The following WNK1 variants were observed in gnomAD, a reference collection of about 807,000 sequenced individuals.
The protein encoded by WNK1 is WNK lysine deficient protein kinase 1.
A neutral mutation model predicts 222.8 loss-of-function variants in WNK1; 38 were observed. The ratio of observed to expected loss-of-function variants is 0.17; its 90% CI spans 0.13 to 0.22. WNK1 has a LOEUF of 0.22. Ranked by LOEUF, WNK1 falls within the 10% of genes least tolerant of loss-of-function variation. WNK1 has a pLI of 1.00. For missense variants in WNK1, 2,348 were observed against 2,918.4 expected (o/e 0.80, Z 4.50); for synonymous variants, 1,090 against 1,092.9 (o/e 1.00, Z 0.05).
intron 2 of WNK1, among the ~76,000 whole-genome samples, chr12:816,315 G>A (rs1947330808): frequency 6.6e-6 from 1 of 152,050 alleles, no homozygotes; most frequent in Admixed American, 6.6e-5. Context: ...GGTTGCCCAG[G>A]ACAGAGTGCA....
rs1056309948 is a variant in WNK1 at position 864,963 on chromosome 12, G to A, written c.2139+2693G>A. On this transcript the variant is annotated intron_variant, in intron 8 of 27. Transcript: ENST00000315939. Reference sequence around the variant, plus strand: ...GTCAGATGTGCTATGTTGAGTTATAGCTCTCCTCAAAAAAAAAACTGACTT... The same window carrying A: ...GTCAGATGTGCTATGTTGAGTTATAACTCTCCTCAAAAAAAAAACTGACTT... 7 of 901,266 alleles carry A rather than the reference G, an allele frequency of 7.8e-6. No homozygotes were observed. In the Admixed American group the frequency reaches 2.2e-4, roughly 28 times the overall value. The allele number at this position is 901,266 out of a possible 1,614,324, so 55.8% of individuals were successfully genotyped here.
chr12:753,246 ACCGC>A lies in WNK1; in HGVS notation c.-312_-309del. The A allele has an allele frequency of 6.2e-6, 2 of 320,408 alleles. No homozygotes were observed. Among genetic ancestry groups the A allele is most frequent in the South Asian group, 9.2e-5 (2 of 21,766 alleles). 19.8% of individuals were successfully genotyped at this position (320,408 alleles called of 1,614,324 possible). A position where few individuals can be genotyped will look rare whatever the true frequency, so the allele number is the denominator to read the frequency against. On this transcript the variant is annotated 5_prime_UTR_variant, in exon 1 of 28. An upstream open reading frame in the 5' UTR loses its in-frame stop. Coordinates refer to ENST00000315939, the MANE Select transcript of WNK1 (RefSeq NM_018979.4). The surrounding 1 kb of genome is among the most constrained non-coding windows in gnomAD (Gnocchi z 5.2). ...TCATGACTGCGGCGCCTCTGCTGCC[ACCGC>A]CCGCCCGGCCGCCGCTCGCCGCAGG...
intron 5 of WNK1, among the ~76,000 whole-genome samples, chr12:858,136 G>A (rs545024532): frequency 2.6e-5 from 4 of 151,364 alleles, no homozygotes; most frequent in Non-Finnish European, 5.9e-5. Context: ...ATATATGCTG[G>A]GTACTTAAAT....
chr12:770,058 C>T (rs1942286432), intron 1 of WNK1, among the ~76,000 whole-genome samples: 1 of 151,972 alleles, frequency 6.6e-6, no homozygotes, highest in Non-Finnish European at 1.5e-5. Context: ...ACCACAACCT[C>T]CGCCTCCCAG....
At chr12:853,523 G>C (rs7311448) in intron 4 of WNK1, among the ~76,000 whole-genome samples, 4,086 of 152,192 alleles carry the variant, frequency 0.027, 191 homozygotes, top group African/African-American at 0.093. Flanking sequence ...GAATTCAGTT[G>C]GACAGGTGTT....
chr12:882,555 G>T (rs1953270708), intron 14 of WNK1, among the ~76,000 whole-genome samples: 1 of 152,014 alleles, frequency 6.6e-6, no homozygotes, highest in South Asian at 2.1e-4. Context: ...CACATTTTTA[G>T]AAAAATGAAA....
At chr12:889,951 CTTT>C (rs755068368) in intron 21 of WNK1, among the ~76,000 whole-genome samples, 12 of 130,438 alleles carry the variant, frequency 9.2e-5, no homozygotes, top group Admixed American at 8.1e-5. Context: ...TAAAATGTAC[CTTT>C]TTTTTTTTTT....
At chr12:903,298 C>T (rs188082883) in intron 26 of WNK1, among the ~76,000 whole-genome samples, 11 of 152,144 alleles carry the variant, frequency 7.2e-5, no homozygotes, top group Non-Finnish European at 1.3e-4. Context: ...TTACCCAATT[C>T]GATCGTTTTC....
At chr12:854,086 G>A (rs1469255600) in intron 4 of WNK1, among the ~76,000 whole-genome samples, 1 of 151,796 alleles carries the variant, frequency 6.6e-6, no homozygotes, top group East Asian at 2.0e-4. Flanking sequence ...TAATCAGAAG[G>A]GCCAATTGTG....
At chr12:848,839 A>G (rs1189382431) in intron 4 of WNK1, among the ~76,000 whole-genome samples, 4 of 152,310 alleles carry the variant, frequency 2.6e-5, no homozygotes, top group Non-Finnish European at 5.9e-5. Flanking sequence ...ATTTTGATTT[A>G]TAGAAAAGGT....
Position 753,841 on chromosome 12 carries a change from A to C in WNK1, c.276A>C (p.Ala92=). The stretch of plus-strand genomic sequence containing the variant: ...TCATCTGTGACTCCAATGCCACTGC[A>C]CTGGAGCTTCCCGGCCTTCCTCTTT... ...RSVICDSNAT[A]LELPGLPLSL... The change falls in exon 1 of 28, where the codon GCA becomes GCC. Residue 92 remains alanine (A), a synonymous_variant. Coordinates refer to ENST00000315939, the MANE Select transcript of WNK1 (RefSeq NM_018979.4). This position sits in a 1 kb window ranked among gnomAD's most constrained non-coding sequence, Gnocchi z 5.2. 2 of 1,612,676 alleles carry C rather than the reference A, an allele frequency of 1.2e-6. No individual in the cohort carries two copies. Among genetic ancestry groups the C allele is most frequent in the Non-Finnish European group, 1.7e-6 (2 of 1,179,930 alleles).
At chr12:882,101 T>C in intron 14 of WNK1, 28 bp downstream of exon 14, 7 of 1,586,054 alleles carry the variant, frequency 4.4e-6, no homozygotes, top group Non-Finnish European at 6.0e-6. Context: ...GTGAGTTTCA[T>C]GTTGTTAAAG....
At chr12:809,225 GAAA>G (rs67749492) in intron 1 of WNK1, among the ~76,000 whole-genome samples, 49 of 120,954 alleles carry the variant, frequency 4.1e-4, no homozygotes, top group Middle Eastern at 4.6e-3. Context: ...TTCTTTTGAG[GAAA>G]AAAAAAAAAA....
At chr12:900,309 A>G (rs1398842396) in intron 25 of WNK1, among the ~76,000 whole-genome samples, 167 bp from the exon 26 acceptor site, 4 of 152,148 alleles carry the variant, frequency 2.6e-5, no homozygotes, top group Non-Finnish European at 4.4e-5. Context: ...TCTTAGTGTC[A>G]TTCCTCACTT....
At chr12:896,876 T>G (rs2154094968) in intron 24 of WNK1, 144 bp downstream of exon 24, 5 of 610,882 alleles carry the variant, frequency 8.2e-6, no homozygotes, top group Non-Finnish European at 1.1e-5. Context: ...CCCCACCCCA[T>G]ACCTCCCCAC....
intron 4 of WNK1, among the ~76,000 whole-genome samples, chr12:851,162 C>T (rs1169731718): frequency 6.6e-6 from 1 of 152,176 alleles, no homozygotes; most frequent in East Asian, 1.9e-4. Context: ...AACCCAGCCC[C>T]AGTATTGTGA....
intron 1 of WNK1, among the ~76,000 whole-genome samples, chr12:795,622 G>C (rs1439790941): frequency 1.3e-5 from 2 of 151,966 alleles, no homozygotes; most frequent in Non-Finnish European, 2.9e-5. Flanking sequence ...TGTGAGTACA[G>C]TTAAACCCAG....
chr12:881,426 GC>G (rs1953149729), intron 12 of WNK1: 3 of 511,974 alleles, frequency 5.9e-6, no homozygotes, highest in Non-Finnish European at 1.1e-5. Flanking sequence ...GATGCTGGCT[GC>G]ATGGCAAGTT....
At chr12:809,323 G>A (rs35141105) in intron 1 of WNK1, among the ~76,000 whole-genome samples, 17,961 of 149,058 alleles carry the variant, frequency 0.12, 1,420 homozygotes, top group Middle Eastern at 0.2. Flanking sequence ...AGCAGGGGAT[G>A]TGATGCCATG....
Sources: gnomAD v4.1 joint callset for allele counts (sites outside exome capture counted in the v4.1 genomes callset) on GRCh38, gnomAD v4.1.1 for gene constraint, Gnocchi (gnomAD v3.1) non-coding constraint, MANE v1.5 for transcripts, NCBI Gene and HGNC (gene_info 2026-07-23, HGNC 2026-07-21) for gene names.